The following PDGFRA variants were observed in gnomAD, a reference collection of about 807,000 sequenced individuals.
PDGFRA encodes platelet-derived growth factor receptor alpha.
Under a neutral mutation model 121.5 loss-of-function variants are expected in PDGFRA, and 25 were observed. The observed-to-expected ratio is 0.21, with a 90% CI of 0.15 to 0.29. The LOEUF (loss-of-function observed/expected upper bound fraction) is 0.29, where lower values mean the gene tolerates loss of function less well. PDGFRA is among the 10% of genes least tolerant of loss of function. The pLI, the probability that PDGFRA is intolerant of heterozygous loss-of-function variation, is 1.00. For missense variants in PDGFRA, 1,008 were observed against 1,345.1 expected (o/e 0.75, Z 3.92); for synonymous variants, 463 against 494.8 (o/e 0.94, Z 0.85).
intron 22 of PDGFRA, among the ~76,000 whole-genome samples, chr4:54,293,678 G>A (rs1341486441): frequency 6.6e-6 from 1 of 152,076 alleles, no homozygotes; most frequent in African/African-American, 2.4e-5. Context: ...TGATCTGCCG[G>A]TCTCGGCCTC....
chr4:54,250,360 T>C (rs112511824), intron 1 of PDGFRA, among the ~76,000 whole-genome samples: 19 of 152,218 alleles, frequency 1.2e-4, no homozygotes, highest in Admixed American at 6.5e-5. Context: ...CTGACCTGAT[T>C]AGTCCTTCTA....
rs188344328 is a variant in PDGFRA at position 54,247,408 on chromosome 4, G to T, written c.-12-11349G>T. The stretch of plus-strand genomic sequence containing the variant: ...GCTTCATGCCTGGGATGCAAGGCTG[G>T]TTCAATATACCCAAATCAATAAATG... On this transcript the variant is annotated intron_variant, in intron 1 of 22. Coordinates refer to ENST00000257290, the MANE Select transcript of PDGFRA (RefSeq NM_006206.6). 7.2e-4 allele frequency among the ~76,000 whole-genome samples: 109 copies of T among 152,274 alleles called. 1 individual carries two copies. The highest frequency in any genetic ancestry group is 2.5e-3 in the African/African-American group (105 of 41,534).
chr4:54,229,680 T>C (rs1720551192), intron 1 of PDGFRA, among the ~76,000 whole-genome samples: 1 of 152,128 alleles, frequency 6.6e-6, no homozygotes, highest in East Asian at 1.9e-4. Flanking sequence ...AACAATGTTT[T>C]TCTAACAACC....
chr4:54,270,525 C>T (rs1419554393), intron 7 of PDGFRA, 108 bp from the exon 8 acceptor site: 3 of 713,548 alleles, frequency 4.2e-6, no homozygotes, highest in Non-Finnish European at 7.6e-6. Flanking sequence ...AAAAAGATGA[C>T]TTTACTTTTT....
intron 1 of PDGFRA, among the ~76,000 whole-genome samples, chr4:54,248,024 C>A (rs1483418088): frequency 1.3e-5 from 2 of 152,104 alleles, no homozygotes; most frequent in South Asian, 2.1e-4. Flanking sequence ...ACGTGAAGGA[C>A]CTCTTCAAGA....
chr4:54,289,700 T>C (rs940293439), intron 21 of PDGFRA, among the ~76,000 whole-genome samples: 13 of 152,214 alleles, frequency 8.5e-5, no homozygotes, highest in Non-Finnish European at 1.6e-4. Context: ...TTCTTCCTTC[T>C]TCTCAAGGAG....
At position 54,283,294 on chromosome 4, in the gene PDGFRA, C is replaced by T. The variant is rs546803035; in HGVS notation, c.2324-2077C>T. 5.3e-5 allele frequency among the ~76,000 whole-genome samples: 8 copies of T among 152,256 alleles called. No homozygotes were observed. In the South Asian group the frequency reaches 6.2e-4, roughly 12 times the overall value. Reference sequence around the variant, plus strand: ...CACCCTGGTTTTTTAATATATCCTCCGAAATCTAGGCAGAGGCTCCCAAGC... The same window carrying T: ...CACCCTGGTTTTTTAATATATCCTCTGAAATCTAGGCAGAGGCTCCCAAGC... On this transcript the variant is annotated intron_variant, in intron 16 of 22. Coordinates refer to ENST00000257290, the MANE Select transcript of PDGFRA (RefSeq NM_006206.6).
chr4:54,277,763 C>T, intron 13 of PDGFRA, 133 bp from the exon 14 acceptor site: 3 of 725,978 alleles, frequency 4.1e-6, no homozygotes, highest in East Asian at 2.7e-5. Flanking sequence ...GGCCAAGTAG[C>T]TATCTGCTTC....
intron 1 of PDGFRA, among the ~76,000 whole-genome samples, chr4:54,245,060 G>A (rs992345437): frequency 6.6e-6 from 1 of 152,110 alleles, no homozygotes; most frequent in African/African-American, 2.4e-5. Context: ...AAGAAATATG[G>A]GACTATGTGA....
chr4:54,248,449 A>G (rs1721828858), intron 1 of PDGFRA, among the ~76,000 whole-genome samples: 1 of 152,354 alleles, frequency 6.6e-6, no homozygotes, highest in East Asian at 1.9e-4. Flanking sequence ...AAACCTGAGA[A>G]AAACAAGCAA....
chr4:54,285,719 C>A, intron 17 of PDGFRA, 122 bp from the exon 18 acceptor site: 1 of 1,090,478 alleles, frequency 9.2e-7, no homozygotes, highest in Non-Finnish European at 1.4e-6. Context: ...TGGGAGAAGG[C>A]CAGCCCTTTA....
intron 1 of PDGFRA, among the ~76,000 whole-genome samples, chr4:54,240,669 A>G (rs1721252325): frequency 6.6e-6 from 1 of 152,224 alleles, no homozygotes; most frequent in Non-Finnish European, 1.5e-5. Context: ...TATACTTAGA[A>G]AAACTTCTGT....
chr4:54,293,907 T>G (rs373346923), intron 22 of PDGFRA, among the ~76,000 whole-genome samples: 5 of 142,462 alleles, frequency 3.5e-5, no homozygotes, highest in Admixed American at 7.0e-5. Context: ...TCCAAGTTGC[T>G]TGTGTGTGTG....
At chr4:54,282,074 T>C (rs951680318) in intron 16 of PDGFRA, 14 of 607,468 alleles carry the variant, frequency 2.3e-5, no homozygotes, top group Admixed American at 6.0e-5. Context: ...GTAGCTGAGA[T>C]GATTTGCTAA....
intron 1 of PDGFRA, among the ~76,000 whole-genome samples, chr4:54,255,831 AC>A: frequency 6.6e-6 from 1 of 151,828 alleles, no homozygotes; most frequent in Non-Finnish European, 1.5e-5. Flanking sequence ...AACAACAACA[AC>A]AACAACAACA....
intron 18 of PDGFRA, 120 bp from the exon 19 acceptor site, chr4:54,287,310 A>G (rs557768945): frequency 1.6e-5 from 12 of 759,814 alleles, no homozygotes; most frequent in South Asian, 2.7e-5. Flanking sequence ...AAGACACTCA[A>G]ATGGGACAAG....
chr4:54,232,559 G>A (rs1720745356), intron 1 of PDGFRA, among the ~76,000 whole-genome samples: 1 of 152,208 alleles, frequency 6.6e-6, no homozygotes, highest in Non-Finnish European at 1.5e-5. Context: ...GCTATGGCGC[G>A]TGTCGGGCAA....
At chr4:54,290,048 A>G (rs1028133979) in intron 21 of PDGFRA, among the ~76,000 whole-genome samples, 3 of 152,234 alleles carry the variant, frequency 2.0e-5, no homozygotes, top group Admixed American at 6.5e-5. Flanking sequence ...GACCAGAAGG[A>G]TTCTCAGTTG....
chr4:54,277,117 G>A, intron 12 of PDGFRA: 1 of 491,644 alleles, frequency 2.0e-6, no homozygotes, highest in Non-Finnish European at 3.7e-6. Flanking sequence ...CTGGTAGACA[G>A]CGCGCTCACA....
Sources: gnomAD v4.1 joint callset for allele counts (sites outside exome capture counted in the v4.1 genomes callset) on GRCh38, gnomAD v4.1.1 for gene constraint, MANE v1.5 for transcripts, NCBI Gene and HGNC (gene_info 2026-07-23, HGNC 2026-07-21) for gene names.